Variants in SIPA1L1 observed in about 807,000 individuals in gnomAD.
SIPA1L1 encodes signal-induced proliferation-associated 1-like protein 1.
A neutral mutation model predicts 162.7 loss-of-function variants in SIPA1L1; 26 were observed. The observed-to-expected ratio is 0.16, with a 90% CI of 0.12 to 0.22. SIPA1L1 has a LOEUF of 0.22. Among genes scored for constraint, SIPA1L1 ranks in the 10% least tolerant of loss-of-function variants. The pLI is 1.00. For synonymous variants in SIPA1L1, 829 were observed against 837.4 expected (o/e 0.99, Z 0.17); for missense variants, 1,874 against 2,241.0 (o/e 0.84, Z 3.31).
At position 71,376,397 on chromosome 14, in the gene SIPA1L1, G is replaced by C. The variant is rs562241036; in HGVS notation, c.-465+55216G>C. Among the ~76,000 whole-genome samples, 116 of 150,864 alleles carry C rather than the reference G, an allele frequency of 7.7e-4. 1 individual carries two copies. The highest frequency in any genetic ancestry group is 2.7e-3 in the African/African-American group (109 of 41,062). On this transcript the variant is annotated intron_variant, in intron 2 of 23. Transcript: ENST00000381232. ...TGGGTTTACTTTGATTAGCAAATTG[G>C]CTTTTACAATTATTAGAAAATCATT...
intron 2 of SIPA1L1, among the ~76,000 whole-genome samples, chr14:71,348,929 G>A (rs963763913): frequency 3.9e-5 from 6 of 152,164 alleles, no homozygotes; most frequent in African/African-American, 9.7e-5. Flanking sequence ...TTGAGGAACC[G>A]CAGTTGGGAA....
intron 2 of SIPA1L1, among the ~76,000 whole-genome samples, chr14:71,375,656 A>G (rs1172967034): frequency 1.3e-5 from 2 of 152,156 alleles, no homozygotes; most frequent in Admixed American, 6.5e-5. Flanking sequence ...TACTCTTCTC[A>G]GGAGAAAATA....
At chr14:71,738,161 TAAAA>T (rs34549978) in intron 22 of SIPA1L1, 76 bp from the exon 23 acceptor site, 11,429 of 363,040 alleles carry the variant, frequency 0.031, no homozygotes, top group South Asian at 0.046. Context: ...CTCCTCAGAG[TAAAA>T]AAAAAAAAAA....
chr14:71,675,616 C>T (rs182969093), intron 12 of SIPA1L1, among the ~76,000 whole-genome samples: 11 of 152,282 alleles, frequency 7.2e-5, no homozygotes, highest in East Asian at 3.9e-4. Flanking sequence ...TCTTCTCCTC[C>T]GCACTTCACA....
At chr14:71,606,918 G>A (rs2037589747) in intron 5 of SIPA1L1, among the ~76,000 whole-genome samples, 1 of 151,496 alleles carries the variant, frequency 6.6e-6, no homozygotes, top group Non-Finnish European at 1.5e-5. Context: ...TTTTTTTCAG[G>A]CAGAAGAAAA....
chr14:71,593,253 C>G (rs2035623900), intron 5 of SIPA1L1, among the ~76,000 whole-genome samples: 4 of 151,830 alleles, frequency 2.6e-5, no homozygotes. Flanking sequence ...ACTCTCTCAC[C>G]TACGCTGGAG....
At chr14:71,592,632 TG>T (rs1285817206) in intron 5 of SIPA1L1, among the ~76,000 whole-genome samples, 1 of 150,488 alleles carries the variant, frequency 6.6e-6, no homozygotes, top group African/African-American at 2.4e-5. Flanking sequence ...AAGTCTCAGG[TG>T]GGGAGGGGGT....
intron 5 of SIPA1L1, among the ~76,000 whole-genome samples, chr14:71,601,327 A>G (rs1455517976): frequency 6.6e-6 from 1 of 152,004 alleles, no homozygotes; most frequent in East Asian, 1.9e-4. Context: ...TTACCAAACA[A>G]TTTTATGTGT....
intron 7 of SIPA1L1, 120 bp downstream of exon 7, chr14:71,624,356 ACT>A (rs770059880): frequency 4.8e-6 from 4 of 825,820 alleles, no homozygotes; most frequent in East Asian, 2.9e-5. Flanking sequence ...TGTGAAAGAC[ACT>A]CTCTTTGCAA....
chr14:71,731,311 T>C (rs2084755064), intron 20 of SIPA1L1, among the ~76,000 whole-genome samples: 1 of 146,452 alleles, frequency 6.8e-6, no homozygotes, highest in African/African-American at 2.5e-5. Flanking sequence ...CCAAGGATCA[T>C]GCCAGCTTCC....
At chr14:71,600,502 G>A (rs548093215) in intron 5 of SIPA1L1, among the ~76,000 whole-genome samples, 5 of 152,184 alleles carry the variant, frequency 3.3e-5, no homozygotes, top group South Asian at 2.1e-4. Flanking sequence ...CTGTAGCATC[G>A]TAATATGTTT....
rs551415659 is a variant in SIPA1L1 at position 71,704,446 on chromosome 14, T to C, written c.3647-776T>C. On this transcript the variant is annotated intron_variant, in intron 15 of 23. Transcript: ENST00000381232. ...GGAGACAGGAGTTTAGCCTACTGAC[T>C]TGGCTCACTTATCTTTATGGCTGTT... 5.3e-5 allele frequency among the ~76,000 whole-genome samples: 8 copies of C among 152,352 alleles called. No individual in the cohort carries two copies. In the South Asian group the frequency reaches 1.5e-3, roughly 28 times the overall value.
intron 2 of SIPA1L1, among the ~76,000 whole-genome samples, chr14:71,391,401 G>T (rs1230507750): frequency 6.6e-6 from 1 of 152,068 alleles, no homozygotes; most frequent in Non-Finnish European, 1.5e-5. Context: ...CACCGCTCCC[G>T]GCCGCATTCA....
intron 7 of SIPA1L1, among the ~76,000 whole-genome samples, chr14:71,638,405 A>G (rs2041377581): frequency 7.9e-5 from 12 of 152,216 alleles, no homozygotes; most frequent in Admixed American, 7.9e-4. Context: ...CAATTAATGT[A>G]GCCCATCGTA....
chr14:71,722,483 C>G (rs974503214), intron 17 of SIPA1L1, among the ~76,000 whole-genome samples: 6 of 152,202 alleles, frequency 3.9e-5, no homozygotes, highest in African/African-American at 1.4e-4. Flanking sequence ...AACTGAAAGT[C>G]TGTTGTAGCA....
At chr14:71,694,951 T>C (rs768218441) in intron 13 of SIPA1L1, among the ~76,000 whole-genome samples, 1 of 152,172 alleles carries the variant, frequency 6.6e-6, no homozygotes, top group Non-Finnish European at 1.5e-5. Context: ...GGTTTTCCTA[T>C]GTGAGCCAAT....
intron 5 of SIPA1L1, among the ~76,000 whole-genome samples, chr14:71,611,990 AT>A (rs1442381610): frequency 6.6e-6 from 1 of 152,196 alleles, no homozygotes; most frequent in African/African-American, 2.4e-5. Flanking sequence ...TTAAAAAAAA[AT>A]AGTTTAAATG....
Position 71,404,450 on chromosome 14 carries a change from A to G in SIPA1L1, c.-465+83269A>G, listed in dbSNP as rs575944469. Among the ~76,000 whole-genome samples the G allele has an allele frequency of 2.6e-5, 4 of 152,292 alleles. No homozygotes were observed. In the South Asian group the frequency reaches 8.3e-4, roughly 32 times the overall value. On this transcript the variant is annotated intron_variant, in intron 2 of 23. Coordinates refer to ENST00000381232, the MANE Select transcript of SIPA1L1 (RefSeq NM_001386936.1). ...TCCCAGCTACTCAGGAGGCTGAGGT[A>G]GGAGAATCGCTTGAACCCAGGAGGT...
chr14:71,564,956 T>C (rs2146757478), intron 4 of SIPA1L1, among the ~76,000 whole-genome samples: 1 of 152,360 alleles, frequency 6.6e-6, no homozygotes, highest in South Asian at 2.1e-4. Flanking sequence ...CTTCATCCAG[T>C]GAACCATGCC....
Sources: gnomAD v4.1 joint callset for allele counts (sites outside exome capture counted in the v4.1 genomes callset) on GRCh38, gnomAD v4.1.1 for gene constraint, MANE v1.5 for transcripts, NCBI Gene and HGNC (gene_info 2026-07-23, HGNC 2026-07-21) for gene names.